FNIP1: variants seen among roughly 807,000 people sequenced by gnomAD.
FNIP1 encodes folliculin-interacting protein 1.
Under a neutral mutation model 124.5 loss-of-function variants are expected in FNIP1, and 40 were observed. That is an observed-to-expected ratio of 0.32 (90% CI 0.25 to 0.42). The LOEUF (loss-of-function observed/expected upper bound fraction) is 0.42. Among genes scored for constraint, FNIP1 ranks in the 10% least tolerant of loss-of-function variants. The pLI is 1.00. For synonymous variants in FNIP1, 472 were observed against 470.6 expected (o/e 1.00, Z -0.04); for missense variants, 1,176 against 1,403.7 (o/e 0.84, Z 2.59).
rs71000999 is a variant in FNIP1 at position 131,657,019 on chromosome 5, C to CTTT, written c.3109-5023_3109-5021dup. Among the ~76,000 whole-genome samples, 396 of 89,634 alleles carry CTTT rather than the reference C, an allele frequency of 4.4e-3. 16 individuals carry two copies. Among genetic ancestry groups the CTTT allele is most frequent in the African/African-American group, 0.014 (292 of 20,984 alleles). 58.8% of individuals were successfully genotyped at this position (89,634 alleles called of 152,430 possible). A position where few individuals can be genotyped will look rare whatever the true frequency, so the allele number is the denominator to read the frequency against. On this transcript the variant is annotated intron_variant, in intron 15 of 17. Coordinates refer to ENST00000510461, the MANE Select transcript of FNIP1 (RefSeq NM_133372.3). Reference sequence around the variant, plus strand: ...TTTTCTGGATTGAATCCACCCATGCCTTTTTTTTTTTTTTTTTTTTTTTTG... The same window carrying CTTT: ...TTTTCTGGATTGAATCCACCCATGCCTTTTTTTTTTTTTTTTTTTTTTTTTTTG...
intron 1 of FNIP1, among the ~76,000 whole-genome samples, chr5:131,786,790 C>T (rs554664910): frequency 2.0e-5 from 3 of 152,306 alleles, no homozygotes; most frequent in South Asian, 2.1e-4. Context: ...CCTTTTTCCA[C>T]GGGATCACCA....
chr5:131,760,500 C>T (rs1771191323), intron 1 of FNIP1, among the ~76,000 whole-genome samples: 2 of 152,062 alleles, frequency 1.3e-5, no homozygotes, highest in South Asian at 4.1e-4. Context: ...CTTTCTCTAC[C>T]CTTATTTCCA....
chr5:131,759,728 T>G (rs1352685152), intron 1 of FNIP1, among the ~76,000 whole-genome samples: 1 of 152,178 alleles, frequency 6.6e-6, no homozygotes, highest in Admixed American at 6.5e-5. Context: ...ATCCAGCAAT[T>G]CATTACTGGG....
Position 131,679,832 on chromosome 5 carries a change from T to C in FNIP1, c.1203-657A>G, listed in dbSNP as rs916266048. Among the ~76,000 whole-genome samples, 4 of 152,368 alleles carry C rather than the reference T, an allele frequency of 2.6e-5. No homozygotes were observed. In the South Asian group the frequency reaches 8.3e-4, roughly 32 times the overall value. On this transcript the variant is annotated intron_variant, in intron 11 of 17. Transcript: ENST00000510461. ...CAATAGCTAGTCCTGTGACTTGTAC[T>C]TTCTCCTGAAGGCTTCAAAGCATAC...
chr5:131,674,889 C>A (rs1561648685), intron 13 of FNIP1, among the ~76,000 whole-genome samples: 2 of 152,062 alleles, frequency 1.3e-5, no homozygotes, highest in African/African-American at 4.8e-5. Flanking sequence ...GCTATAGATA[C>A]TATTATGATA....
At chr5:131,741,817 A>C (rs1313013197) in intron 2 of FNIP1, among the ~76,000 whole-genome samples, 1 of 152,196 alleles carries the variant, frequency 6.6e-6, no homozygotes, top group Non-Finnish European at 1.5e-5. Flanking sequence ...TTTTGATTTA[A>C]TTAAATACAC....
At chr5:131,753,152 C>T (rs1770937873) in intron 1 of FNIP1, among the ~76,000 whole-genome samples, 1 of 152,096 alleles carries the variant, frequency 6.6e-6, no homozygotes. Context: ...CGACTAATAA[C>T]ACCAGTGGTT....
chr5:131,711,893 T>G (rs1252818442), intron 6 of FNIP1, among the ~76,000 whole-genome samples: 2 of 152,200 alleles, frequency 1.3e-5, no homozygotes, highest in Non-Finnish European at 2.9e-5. Flanking sequence ...GTCTCAATGG[T>G]CAGCTTTTTA....
At chr5:131,753,127 T>C (rs191932511) in intron 1 of FNIP1, among the ~76,000 whole-genome samples, 168 of 152,094 alleles carry the variant, frequency 1.1e-3, no homozygotes, top group African/African-American at 4.0e-3. Context: ...AGCATTAAAA[T>C]GGCTAAAACT....
At chr5:131,660,649 A>G (rs1268384124) in intron 15 of FNIP1, among the ~76,000 whole-genome samples, 2 of 152,204 alleles carry the variant, frequency 1.3e-5, no homozygotes, top group Non-Finnish European at 1.5e-5. Flanking sequence ...TCCATCTCCC[A>G]TGTGGGGTGG....
At chr5:131,742,395 A>G (rs1770541946) in intron 2 of FNIP1, among the ~76,000 whole-genome samples, 1 of 152,144 alleles carries the variant, frequency 6.6e-6, no homozygotes, top group Non-Finnish European at 1.5e-5. Flanking sequence ...GCCTGGAGGC[A>G]GAGGTTTCAG....
At chr5:131,648,966 A>G (rs1409330849) in intron 16 of FNIP1, among the ~76,000 whole-genome samples, 3 of 152,314 alleles carry the variant, frequency 2.0e-5, no homozygotes, top group South Asian at 4.1e-4. Flanking sequence ...AGGTTCATCC[A>G]TGTTGTAGCA....
chr5:131,720,316 G>C (rs972498671), intron 3 of FNIP1, among the ~76,000 whole-genome samples: 3 of 152,106 alleles, frequency 2.0e-5, no homozygotes, highest in African/African-American at 4.8e-5. Context: ...AATAAAACTG[G>C]TGTCCTATAT....
intron 15 of FNIP1, 97 bp from the exon 16 acceptor site, chr5:131,652,096 A>G (rs995231772): frequency 1.8e-6 from 2 of 1,142,490 alleles, no homozygotes; most frequent in Non-Finnish European, 2.4e-6. Context: ...AAAAACAGAA[A>G]AAAAAATTAA....
Position 131,719,364 on chromosome 5 carries a change from T to G in FNIP1, c.408A>C (p.Ser136=). The change falls in exon 4 of 18, where the codon TCA becomes TCC. Residue 136 remains serine, a synonymous_variant. Coordinates refer to ENST00000510461, the MANE Select transcript of FNIP1 (RefSeq NM_133372.3). The part of the protein sequence containing the change: ...ANMLGEMMFG[S]VAMSYKGSTL... ...TGGATCCTTTGTAGCTCATTGCTAC[T>G]GAGCCAAACATCATCTCTCCAAGCA... is the stretch of plus-strand genomic sequence containing the variant. 1 of 1,613,836 alleles carries G rather than the reference T, an allele frequency of 6.2e-7. No individual in the cohort carries two copies.
intron 1 of FNIP1, among the ~76,000 whole-genome samples, chr5:131,790,282 T>G (rs966528885): frequency 2.0e-5 from 3 of 151,902 alleles, no homozygotes; most frequent in African/African-American, 7.3e-5. Context: ...GCCTCTATAC[T>G]GGCCTGGGCA....
Position 131,672,640 on chromosome 5 carries a change from C to A in FNIP1, c.1804G>T (p.Glu602Ter). The A allele has an allele frequency of 6.2e-7, 1 of 1,614,148 alleles. No individual in the cohort carries two copies. Among genetic ancestry groups the A allele is most frequent in the Non-Finnish European group, 8.5e-7 (1 of 1,180,008 alleles). The stretch of plus-strand genomic sequence containing the variant: ...CAGTTACAATTGGGAGTTCTAATTT[C>A]TTCTGACTCTTTAAAGAGCAAACTG... ...KSSLLFKESE[E>*]IRTPNCNCKY... Residue 602 changes from glutamate to a stop codon, truncating the protein, a stop_gained, in exon 14 of 18, where the codon GAA becomes TAA. Transcript: ENST00000510461. LOFTEE classifies it high-confidence loss of function.
intron 10 of FNIP1, among the ~76,000 whole-genome samples, chr5:131,703,508 C>T (rs1333991697): frequency 1.3e-5 from 2 of 152,206 alleles, no homozygotes; most frequent in East Asian, 3.8e-4. Context: ...ACCTAGGCAC[C>T]TTGGCCTCGT....
chr5:131,682,289 T>A (rs1200656777), intron 11 of FNIP1, among the ~76,000 whole-genome samples: 1 of 152,176 alleles, frequency 6.6e-6, no homozygotes, highest in Non-Finnish European at 1.5e-5. Flanking sequence ...TGCTTTAGTA[T>A]TTTAGTATTA....
Sources: gnomAD v4.1 joint callset for allele counts (sites outside exome capture counted in the v4.1 genomes callset) on GRCh38, gnomAD v4.1.1 for gene constraint, MANE v1.5 for transcripts, NCBI Gene and HGNC (gene_info 2026-07-23, HGNC 2026-07-21) for gene names.